The following ABHD12 variants were observed in gnomAD, a reference collection of about 807,000 sequenced individuals.
ABHD12 encodes the protein lysophosphatidylserine lipase ABHD12.
A neutral mutation model predicts 58.3 loss-of-function variants in ABHD12; 43 were observed. That is an observed-to-expected ratio of 0.74 (90% CI 0.58 to 0.95). The LOEUF is 0.95. Ranked by LOEUF, ABHD12 falls within the 40% of genes least tolerant of loss-of-function variation. The pLI is 0.00. For missense variants in ABHD12, 539 were observed against 537.2 expected, an observed-to-expected ratio of 1.00 and a Z score of -0.03; for synonymous variants, 219 against 211.2, an observed-to-expected ratio of 1.04 and a Z score of -0.32.
chr20:25,365,572 T>C (rs536881434), intron 1 of ABHD12, among the ~76,000 whole-genome samples: 45 of 152,202 alleles, frequency 3.0e-4, no homozygotes, highest in Non-Finnish European at 5.7e-4. Context: ...TATGTACAGA[T>C]AGGACACTCT....
intron 1 of ABHD12, among the ~76,000 whole-genome samples, chr20:25,343,850 C>T (rs892688286): frequency 6.6e-6 from 1 of 152,066 alleles, no homozygotes; most frequent in East Asian, 1.9e-4. Context: ...TTCTCATGAA[C>T]ATAAATGCAA....
Position 25,390,741 on chromosome 20 carries a change from T to TA in ABHD12, c.-39_-38insT. 1 of 776,352 alleles carries TA rather than the reference T, an allele frequency of 1.3e-6. No individual in the cohort carries two copies. Among genetic ancestry groups the TA allele is most frequent in the Non-Finnish European group, 1.6e-6 (1 of 608,464 alleles). 48.1% of individuals were successfully genotyped at this position (776,352 alleles called of 1,614,324 possible). ...AGGGCCAGCCGCCGACGGCGCCCGC[T>TA]GGCCTGCGCCGCAGTGCCGCCGCTC... is the stretch of plus-strand genomic sequence containing the variant. On this transcript the variant is annotated 5_prime_UTR_variant, in exon 1 of 13. Transcript: ENST00000339157.
At chr20:25,313,723 A>T (rs1030393375) in intron 6 of ABHD12, among the ~76,000 whole-genome samples, 1 of 152,196 alleles carries the variant, frequency 6.6e-6, no homozygotes, top group South Asian at 2.1e-4. Context: ...CAGAGGTTGC[A>T]GTGAGCTGAG....
At position 25,309,502 on chromosome 20, in the gene ABHD12, G is replaced by C; in HGVS notation, c.693C>G (p.Ile231Met). ...TYDALHVFDW[I>M]KARSGDNPVY... ...CGGGGTTGTCACCACTTCTTGCTTT[G>C]ATCCAGTCAAAAACGTGGAGTGCGT... Residue 231 changes from isoleucine to methionine, a missense_variant, in exon 7 of 13, where the codon ATC (isoleucine) becomes ATG (methionine). Ile to Met is a conservative substitution (Grantham distance 10). Transcript: ENST00000339157. 1 of 1,614,202 alleles carries C rather than the reference G, an allele frequency of 6.2e-7. No homozygotes were observed. Among genetic ancestry groups the C allele is most frequent in the Non-Finnish European group, 8.5e-7 (1 of 1,180,042 alleles).
At chr20:25,320,367 C>T in intron 3 of ABHD12, 49 bp from the exon 4 acceptor site, 1 of 1,607,914 alleles carries the variant, frequency 6.2e-7, no homozygotes, top group South Asian at 1.1e-5. Flanking sequence ...CCCTTCTGTC[C>T]TCATCCTGGC....
chr20:25,308,498 G>A lies in ABHD12; in HGVS notation c.750-4C>T. On this transcript the variant is annotated splice_polypyrimidine_tract_variant and splice_region_variant and intron_variant, in intron 7 of 12. Transcript: ENST00000339157. ...CCGCACCAGATTTGTCGCCACGCTA[G>A]GAAAAAAGAAAAACAGCTTAGTTGA... 1 of 1,609,532 alleles carries A rather than the reference G, an allele frequency of 6.2e-7. No homozygotes were observed. Among genetic ancestry groups the A allele is most frequent in the Non-Finnish European group, 8.5e-7 (1 of 1,177,794 alleles).
chr20:25,388,567 G>C (rs1446979869), intron 1 of ABHD12, among the ~76,000 whole-genome samples: 1 of 152,170 alleles, frequency 6.6e-6, no homozygotes. Flanking sequence ...AGCTGGGAAG[G>C]AAGACAACCT....
chr20:25,335,350 C>T (rs2089345895), intron 2 of ABHD12, among the ~76,000 whole-genome samples: 1 of 149,716 alleles, frequency 6.7e-6, no homozygotes. Flanking sequence ...CACTTTTACA[C>T]TGTTGGTGGG....
At chr20:25,339,431 C>A in intron 1 of ABHD12, 80 bp from the exon 2 acceptor site, 3 of 1,601,138 alleles carry the variant, frequency 1.9e-6, no homozygotes, top group Non-Finnish European at 2.6e-6. Flanking sequence ...TTATCAAAAT[C>A]CCTAAACAAG....
intron 1 of ABHD12, among the ~76,000 whole-genome samples, chr20:25,387,821 TCA>T (rs1256574428): frequency 6.6e-6 from 1 of 150,860 alleles, no homozygotes; most frequent in African/African-American, 2.4e-5. Context: ...GGTGGGTGGA[TCA>T]CGAGGTCACG....
chr20:25,359,394 C>T (rs373308203), intron 1 of ABHD12, among the ~76,000 whole-genome samples: 4 of 140,172 alleles, frequency 2.9e-5, no homozygotes, highest in Non-Finnish European at 4.6e-5. Context: ...ACTGCACTCC[C>T]GCCTGGGCCA....
chr20:25,295,551 G>A, downstream of ABHD12: 1 of 1,561,506 alleles, frequency 6.4e-7, no homozygotes, highest in Non-Finnish European at 8.8e-7. Flanking sequence ...CCTCGGGACA[G>A]TGTGGGCAGG....
chr20:25,335,685 T>C (rs1336074646), intron 2 of ABHD12, among the ~76,000 whole-genome samples: 1 of 149,316 alleles, frequency 6.7e-6, no homozygotes, highest in Non-Finnish European at 1.5e-5. Flanking sequence ...GAAATCATCA[T>C]TCTCAGTAAA....
intron 1 of ABHD12, among the ~76,000 whole-genome samples, chr20:25,345,429 A>C (rs2089506137): frequency 6.6e-6 from 1 of 152,192 alleles, no homozygotes; most frequent in Non-Finnish European, 1.5e-5. Context: ...ATGATCCATG[A>C]AAGAAATATT....
intron 2 of ABHD12, among the ~76,000 whole-genome samples, chr20:25,323,714 G>A (rs141409780): frequency 1.3e-5 from 2 of 152,370 alleles, no homozygotes; most frequent in Non-Finnish European, 2.9e-5. Flanking sequence ...GGCAAGGTCT[G>A]TGTAGAGACT....
downstream of ABHD12, chr20:25,295,545 G>A (rs1411945715): frequency 3.2e-6 from 5 of 1,551,986 alleles, no homozygotes; most frequent in East Asian, 2.2e-5. Context: ...CTCTCCCCTC[G>A]GGACAGTGTG....
chr20:25,344,309 T>A (rs891235616), intron 1 of ABHD12, among the ~76,000 whole-genome samples: 5 of 152,186 alleles, frequency 3.3e-5, no homozygotes, highest in Non-Finnish European at 7.3e-5. Context: ...ATGTAGAAGA[T>A]CTAAAACTTG....
chr20:25,322,381 A>ATATATATATATATTTTTT, intron 3 of ABHD12, among the ~76,000 whole-genome samples: 10 of 59,264 alleles, frequency 1.7e-4, no homozygotes, highest in African/African-American at 2.5e-4. Context: ...ATATATATAT[A>ATATATATATATATTTTTT]TTTTTTTTTT....
intron 3 of ABHD12, among the ~76,000 whole-genome samples, chr20:25,322,362 GATAT>G (rs1312326738): frequency 1.5e-5 from 1 of 66,108 alleles, no homozygotes; most frequent in African/African-American, 6.8e-5. Flanking sequence ...TCTTGGAAAA[GATAT>G]ATATATATAT....
Sources: allele counts gnomAD v4.1 joint callset (sites outside exome capture counted in the v4.1 genomes callset), GRCh38; gene constraint gnomAD v4.1.1; transcripts MANE v1.5; gene names NCBI Gene and HGNC (gene_info 2026-07-23, HGNC 2026-07-21).